Variants in ADK observed in about 807,000 individuals in gnomAD.
ADK encodes N6,N6-dimethyladenosine kinase.
In ADK, 24 loss-of-function variants were observed where a neutral mutation model predicts 44.7. The ratio of observed to expected loss-of-function variants is 0.54; its 90% CI spans 0.39 to 0.76. The LOEUF is 0.76. Ranked by LOEUF, ADK falls within the 30% of genes least tolerant of loss-of-function variation. ADK has a pLI of 0.00. For missense variants in ADK, 321 were observed against 425.1 expected (o/e 0.76, Z 2.15); for synonymous variants, 128 against 142.6 (o/e 0.90, Z 0.73).
chr10:74,200,617 T>C (rs1591842564), intron 1 of ADK, 147 bp from the exon 2 acceptor site: 1 of 671,884 alleles, frequency 1.5e-6, no homozygotes, highest in East Asian at 2.7e-5. Flanking sequence ...ATGTTCTACG[T>C]ATAATAGGCA....
chr10:74,157,981 G>A (rs1841799267), intron 1 of ADK, among the ~76,000 whole-genome samples: 1 of 152,100 alleles, frequency 6.6e-6, no homozygotes, highest in South Asian at 2.1e-4. Flanking sequence ...GCTGATGGCT[G>A]AGAATTTACC....
At chr10:74,501,741 G>A (rs1236701929) in intron 6 of ADK, among the ~76,000 whole-genome samples, 1 of 152,128 alleles carries the variant, frequency 6.6e-6, no homozygotes, top group Non-Finnish European at 1.5e-5. Flanking sequence ...AATGGACGAA[G>A]CCAGACATAA....
chr10:74,405,307 T>C (rs1439873951), intron 6 of ADK, among the ~76,000 whole-genome samples: 3 of 151,492 alleles, frequency 2.0e-5, no homozygotes, highest in Non-Finnish European at 4.4e-5. Context: ...AGGAGGTGAG[T>C]AGCAGGCCAC....
chr10:74,376,013 T>G (rs1842810611), intron 4 of ADK, among the ~76,000 whole-genome samples: 1 of 152,114 alleles, frequency 6.6e-6, no homozygotes, highest in Non-Finnish European at 1.5e-5. Context: ...CTTAATGTAC[T>G]AATTCCCTCA....
At chr10:74,533,040 T>G (rs1041144411) in intron 7 of ADK, among the ~76,000 whole-genome samples, 1 of 151,980 alleles carries the variant, frequency 6.6e-6, no homozygotes, top group African/African-American at 2.4e-5. Flanking sequence ...AACCAGAAAT[T>G]TAAAAATACG....
chr10:74,271,343 AG>A (rs1490373486), intron 3 of ADK, among the ~76,000 whole-genome samples: 1 of 152,112 alleles, frequency 6.6e-6, no homozygotes, highest in Non-Finnish European at 1.5e-5. Context: ...TTTTATGCTT[AG>A]GGATTAAAAG....
intron 6 of ADK, among the ~76,000 whole-genome samples, chr10:74,434,591 T>C (rs1170906224): frequency 6.6e-6 from 1 of 152,140 alleles, no homozygotes; most frequent in Non-Finnish European, 1.5e-5. Flanking sequence ...AAAATGTGGA[T>C]TGGTATTTCC....
intron 9 of ADK, among the ~76,000 whole-genome samples, chr10:74,659,703 C>T (rs867351373): frequency 3.3e-5 from 5 of 152,132 alleles, no homozygotes; most frequent in African/African-American, 4.8e-5. Context: ...GAAGACAGTC[C>T]GAGTCTCAAA....
At chr10:74,445,265 T>A (rs533333060) in intron 6 of ADK, among the ~76,000 whole-genome samples, 2 of 152,130 alleles carry the variant, frequency 1.3e-5, no homozygotes, top group Non-Finnish European at 2.9e-5. Context: ...TCTTAGTGAT[T>A]AACATGTTAA....
At chr10:74,687,160 A>G (rs1035947093) in intron 10 of ADK, among the ~76,000 whole-genome samples, 5 of 152,268 alleles carry the variant, frequency 3.3e-5, no homozygotes, top group African/African-American at 1.2e-4. Context: ...GTCTCAGACA[A>G]GAGCCAGAAT....
At chr10:74,681,644 G>C (rs1241022587) in intron 10 of ADK, among the ~76,000 whole-genome samples, 3 of 75,592 alleles carry the variant, frequency 4.0e-5, no homozygotes, top group Non-Finnish European at 9.2e-5. Flanking sequence ...TCAGGAGTTC[G>C]AGACCACCGG....
At chr10:74,476,953 A>T (rs1460920760) in intron 6 of ADK, among the ~76,000 whole-genome samples, 1 of 152,092 alleles carries the variant, frequency 6.6e-6, no homozygotes, top group East Asian at 1.9e-4. Context: ...ATTCATTCTT[A>T]TTGTGTGAAT....
chr10:74,197,927 A>C (rs1591838688), intron 1 of ADK, among the ~76,000 whole-genome samples: 1 of 152,126 alleles, frequency 6.6e-6, no homozygotes, highest in South Asian at 2.1e-4. Context: ...GAGGGGACCA[A>C]TTGAGGGTAG....
At chr10:74,308,585 T>G (rs1157778987) in intron 3 of ADK, among the ~76,000 whole-genome samples, 1 of 152,214 alleles carries the variant, frequency 6.6e-6, no homozygotes, top group Non-Finnish European at 1.5e-5. Context: ...TTAGAATGAC[T>G]TATGTTTTTA....
intron 9 of ADK, among the ~76,000 whole-genome samples, chr10:74,669,843 C>G (rs1330761612): frequency 6.6e-6 from 1 of 152,148 alleles, no homozygotes; most frequent in Non-Finnish European, 1.5e-5. Flanking sequence ...TGATCCAATC[C>G]ATACCAACAC....
intron 9 of ADK, among the ~76,000 whole-genome samples, chr10:74,631,229 TGTGC>T (rs1853405539): frequency 6.6e-6 from 1 of 151,942 alleles, no homozygotes; most frequent in East Asian, 1.9e-4. Flanking sequence ...ATTTAACCTG[TGTGC>T]GTGTGTGTGT....
intron 6 of ADK, among the ~76,000 whole-genome samples, chr10:74,489,869 GA>G (rs1847414161): frequency 6.6e-6 from 1 of 151,834 alleles, no homozygotes; most frequent in Non-Finnish European, 1.5e-5. Context: ...CCATGGGGAA[GA>G]AAAAAACTTG....
At chr10:74,509,367 ATTT>A (rs1848212990) in intron 6 of ADK, 1 of 152,052 alleles carries the variant, frequency 6.6e-6, no homozygotes, top group African/African-American at 2.4e-5. Flanking sequence ...TAATGTTTGT[ATTT>A]TTAGTAGAGA....
intron 7 of ADK, among the ~76,000 whole-genome samples, chr10:74,572,385 A>C (rs1307774290): frequency 2.0e-5 from 3 of 152,164 alleles, no homozygotes; most frequent in Non-Finnish European, 4.4e-5. Context: ...TGTTAGTCTG[A>C]TGGGCTTCCC....
Sources: gnomAD v4.1 joint callset for allele counts (sites outside exome capture counted in the v4.1 genomes callset) on GRCh38, gnomAD v4.1.1 for gene constraint, MANE v1.5 for transcripts, NCBI Gene and HGNC (gene_info 2026-07-23, HGNC 2026-07-21) for gene names.